The following ZNF124 variants were observed in gnomAD, a reference collection of about 807,000 sequenced individuals.
ZNF124 encodes zinc finger protein 124, also known as zinc finger protein HZF-16.
In ZNF124, 25 loss-of-function variants were observed where a neutral mutation model predicts 26.6. The observed-to-expected ratio is 0.94, with a 90% CI of 0.68 to 1.31. ZNF124 has a LOEUF of 1.31. ZNF124 is among the 40% of genes most tolerant of loss of function. The pLI is 0.00. For missense variants in ZNF124, 444 were observed against 422.2 expected, an observed-to-expected ratio of 1.05 and a Z score of -0.45; for synonymous variants, 129 against 133.3, an observed-to-expected ratio of 0.97 and a Z score of 0.22.
chr1:247,167,357 G>C (rs753019941), intron 1 of ZNF124, among the ~76,000 whole-genome samples: 6 of 152,170 alleles, frequency 3.9e-5, no homozygotes, highest in Non-Finnish European at 8.8e-5. Flanking sequence ...AAACAGCACA[G>C]ACTTACCCAC....
At chr1:247,159,983 T>C in intron 1 of ZNF124, 170 bp from the exon 2 acceptor site, 6 of 366,562 alleles carry the variant, frequency 1.6e-5, no homozygotes, top group Non-Finnish European at 2.4e-5. Flanking sequence ...GCAGTTCTTT[T>C]TTTTTTTTTT....
chr1:247,157,429 A>G lies in ZNF124; in HGVS notation c.219-26T>C, dbSNP rs1258304643. ...CTATGAAGGGATGAATGACGTATGA[A>G]GAATTTTTCACACACAATGCATTCA... is the stretch of plus-strand genomic sequence containing the variant. On this transcript the variant is annotated intron_variant, in intron 3 of 3. Transcript: ENST00000543802. The G allele has an allele frequency of 8.4e-6, 13 of 1,547,542 alleles. No individual in the cohort carries two copies. In the Admixed American group the frequency reaches 2.4e-4, roughly 28 times the overall value.
At chr1:247,167,954 T>G (rs1673874851) in intron 1 of ZNF124, among the ~76,000 whole-genome samples, 1 of 152,166 alleles carries the variant, frequency 6.6e-6, no homozygotes, top group Non-Finnish European at 1.5e-5. Flanking sequence ...GAAAAAATGC[T>G]CAACATCACT....
intron 1 of ZNF124, among the ~76,000 whole-genome samples, chr1:247,164,398 T>C (rs143484831): frequency 8.5e-4 from 130 of 152,278 alleles, no homozygotes; most frequent in African/African-American, 3.0e-3. Flanking sequence ...TAAACAACTT[T>C]AGCACAGTTT....
intron 3 of ZNF124, among the ~76,000 whole-genome samples, chr1:247,145,128 A>G (rs960209058): frequency 6.6e-6 from 1 of 152,164 alleles, no homozygotes; most frequent in Non-Finnish European, 1.5e-5. Context: ...TGGGAAACAG[A>G]TCTCTACAGC....
At chr1:247,143,713 C>T (rs140910573) in intron 3 of ZNF124, among the ~76,000 whole-genome samples, 185 of 152,284 alleles carry the variant, frequency 1.2e-3, no homozygotes, top group African/African-American at 4.4e-3. Flanking sequence ...CTAGGATTCC[C>T]TTACCTGACT....
intron 3 of ZNF124, among the ~76,000 whole-genome samples, chr1:247,136,125 G>A (rs192421000): frequency 6.6e-6 from 1 of 152,226 alleles, no homozygotes; most frequent in East Asian, 1.9e-4. Context: ...TATAAGACAA[G>A]GATGACCTCT....
At chr1:247,167,971 G>A (rs575832856) in intron 1 of ZNF124, among the ~76,000 whole-genome samples, 42 of 152,272 alleles carry the variant, frequency 2.8e-4, no homozygotes, top group African/African-American at 9.9e-4. Context: ...CACTATCAGG[G>A]AAATGCAAAT....
At chr1:247,136,026 C>G (rs180932632) in intron 3 of ZNF124, among the ~76,000 whole-genome samples, 337 of 152,224 alleles carry the variant, frequency 2.2e-3, no homozygotes, top group Non-Finnish European at 3.5e-3. Flanking sequence ...TGGAACATAT[C>G]TCAAAATAAT....
intron 3 of ZNF124, among the ~76,000 whole-genome samples, chr1:247,142,772 T>C (rs1304536146): frequency 6.6e-6 from 1 of 152,102 alleles, no homozygotes; most frequent in Admixed American, 6.5e-5. Context: ...TTTTAAACTT[T>C]CTTCTACTCT....
chr1:247,147,948 GT>G (rs1422628120), intron 3 of ZNF124, among the ~76,000 whole-genome samples: 2 of 152,242 alleles, frequency 1.3e-5, no homozygotes, highest in South Asian at 2.1e-4. Flanking sequence ...TGTCAGTGAA[GT>G]TTTGGTATCA....
intron 2 of ZNF124, 150 bp from the exon 3 acceptor site, chr1:247,159,216 G>C: frequency 1.5e-6 from 1 of 661,422 alleles, no homozygotes; most frequent in Non-Finnish European, 2.5e-6. Context: ...TTTGTGTTAT[G>C]GGTACAGATT....
Position 247,157,109 on chromosome 1 carries a change from AATCCTT to A in ZNF124, c.507_512del (p.Lys169_Ile171delinsAsn). 3 of 1,614,140 alleles carry A rather than the reference AATCCTT, an allele frequency of 1.9e-6. No individual in the cohort carries two copies. Among genetic ancestry groups the A allele is most frequent in the Non-Finnish European group, 2.5e-6 (3 of 1,180,022 alleles). On this transcript the variant is annotated inframe_deletion, in exon 4 of 4. Coordinates refer to ENST00000543802, the MANE Select transcript of ZNF124 (RefSeq NM_001297568.2). ...ATTCATAGCGTTTTTCTCCAGTGTG[AATCCTT>A]TTATGTCTATTAAGAGAACGGGAAA...
At chr1:247,159,860 C>T in intron 1 of ZNF124, 47 bp from the exon 2 acceptor site, 1 of 1,567,844 alleles carries the variant, frequency 6.4e-7, no homozygotes, top group African/African-American at 1.4e-5. Context: ...ACTGAAAGCA[C>T]TGGAAATCTG....
In ZNF124 at chr1:247,159,689, A is replaced by G; in HGVS notation, c.155T>C (p.Ile52Thr). Reference protein sequence around the residue: ...MQETFRNLASIGNKGEDQSIE... With the variant: ...MQETFRNLASTGNKGEDQSIE... ...TGAAGAAATATTGTGATTCTTACCTATGGAAGCCAGATTCCTGAAGGTTTC... is the reference window on the plus strand; with the variant it reads ...TGAAGAAATATTGTGATTCTTACCTGTGGAAGCCAGATTCCTGAAGGTTTC... The change falls in exon 2 of 4, where the codon ATA becomes ACA. Residue 52 changes from isoleucine (I) to threonine (T), a missense_variant and splice_region_variant. By Grantham distance (89) the Ile-to-Thr change is moderately conservative. Transcript: ENST00000543802. The G allele has an allele frequency of 6.2e-7, 1 of 1,610,810 alleles. No homozygotes were observed. The highest frequency in any genetic ancestry group is 8.5e-7 in the Non-Finnish European group (1 of 1,179,170).
intron 3 of ZNF124, among the ~76,000 whole-genome samples, chr1:247,135,632 C>T (rs1384543005): frequency 1.3e-5 from 2 of 152,142 alleles, no homozygotes; most frequent in African/African-American, 4.8e-5. Flanking sequence ...CCTTCTGAAA[C>T]TATTCCAAAC....
At chr1:247,159,580 A>G (rs1184142146) in intron 2 of ZNF124, 107 bp downstream of exon 2, 2 of 1,191,528 alleles carry the variant, frequency 1.7e-6, no homozygotes, top group Non-Finnish European at 2.4e-6. Flanking sequence ...TGCCTCATTC[A>G]CTCATCAAAG....
At chr1:247,166,781 TG>T (rs1317553642) in intron 1 of ZNF124, among the ~76,000 whole-genome samples, 1 of 152,178 alleles carries the variant, frequency 6.6e-6, no homozygotes, top group Non-Finnish European at 1.5e-5. Flanking sequence ...ACCCCTAAAT[TG>T]GACAGACACT....
intron 3 of ZNF124, among the ~76,000 whole-genome samples, chr1:247,137,386 G>A (rs1672508297): frequency 6.9e-6 from 1 of 144,884 alleles, no homozygotes; most frequent in Non-Finnish European, 1.5e-5. Context: ...GCTCGTGCCT[G>A]TAATCCCAGC....
Sources: gnomAD v4.1 joint callset for allele counts (sites outside exome capture counted in the v4.1 genomes callset) on GRCh38, gnomAD v4.1.1 for gene constraint, MANE v1.5 for transcripts, NCBI Gene and HGNC (gene_info 2026-07-23, HGNC 2026-07-21) for gene names.